The following GPR39 variants were observed in gnomAD, a reference collection of about 807,000 sequenced individuals.
The protein encoded by GPR39 is G protein-coupled receptor 39.
GPR39 carries 23 observed loss-of-function variants against 18.4 expected under a neutral mutation model. The ratio of observed to expected loss-of-function variants is 1.25; its 90% CI spans 0.90 to 1.77. The LOEUF is 1.77. Among genes scored for constraint, GPR39 ranks in the 40% most tolerant of loss-of-function variants. The probability of loss-of-function intolerance (pLI) is 0.00; values close to 1 mark genes in which losing one functional copy is unlikely to be tolerated. For synonymous variants in GPR39, 280 were observed against 257.9 expected, an observed-to-expected ratio of 1.09 and a Z score of -0.82; for missense variants, 647 against 602.4, an observed-to-expected ratio of 1.07 and a Z score of -0.78.
rs532722793 is a variant in GPR39, at chr2:132,641,777, T to C, written c.857-3324T>C. Among the ~76,000 whole-genome samples, 16 of 152,374 alleles carry C rather than the reference T, an allele frequency of 1.1e-4. No homozygotes were observed. The East Asian group carries it at 1.5e-3, about 15-fold the overall frequency. The stretch of plus-strand genomic sequence containing the variant: ...AACTACATATATGGCTCACATTCTG[T>C]ATTTCCAGTGAACAGCACTGTGCTA... On this transcript the variant is annotated intron_variant, in intron 1 of 1. Transcript: ENST00000329321.
chr2:132,576,052 T>C (rs1680523120), intron 1 of GPR39, among the ~76,000 whole-genome samples: 1 of 152,190 alleles, frequency 6.6e-6, no homozygotes, highest in African/African-American at 2.4e-5. Flanking sequence ...TCCAGAACCT[T>C]AAGAAATAAA....
At chr2:132,492,065 T>C (rs1397523922) in intron 1 of GPR39, among the ~76,000 whole-genome samples, 2 of 150,480 alleles carry the variant, frequency 1.3e-5, no homozygotes, top group South Asian at 2.1e-4. Flanking sequence ...TATATATGTA[T>C]ACACCACATA....
chr2:132,430,503 C>A (rs2104758463), intron 1 of GPR39, among the ~76,000 whole-genome samples: 1 of 152,216 alleles, frequency 6.6e-6, no homozygotes, highest in African/African-American at 2.4e-5. Context: ...CTCACTGAGT[C>A]AAAGGGAAGG....
intron 1 of GPR39, among the ~76,000 whole-genome samples, chr2:132,593,726 T>C (rs1359489270): frequency 1.3e-5 from 2 of 152,072 alleles, no homozygotes; most frequent in African/African-American, 4.8e-5. Flanking sequence ...TAAGCAGAGA[T>C]GCAAGTAGAC....
At chr2:132,535,414 C>A (rs901865179) in intron 1 of GPR39, among the ~76,000 whole-genome samples, 2 of 151,658 alleles carry the variant, frequency 1.3e-5, no homozygotes, top group East Asian at 3.9e-4. Context: ...AGGGATGAAG[C>A]TGACTTCATG....
At chr2:132,528,474 A>G (rs1042006014) in intron 1 of GPR39, among the ~76,000 whole-genome samples, 3 of 152,270 alleles carry the variant, frequency 2.0e-5, no homozygotes, top group African/African-American at 7.2e-5. Flanking sequence ...AAGAATGTCA[A>G]TGGTAGTTTG....
rs749253009 is a variant in GPR39 at position 132,645,566 on chromosome 2, A to G, written c.1322A>G (p.Asn441Ser). The change falls in exon 2 of 2, where the codon AAT (asparagine) becomes AGT (serine). Residue 441 changes from asparagine (N) to serine (S), a missense_variant. Asn to Ser is a conservative substitution (Grantham distance 46, BLOSUM62 1). Around this residue, in one of 3 missense-constraint regions of GPR39, gnomAD observed 581 missense variants for 506.8 expected, o/e 1.15. Coordinates refer to ENST00000329321, the MANE Select transcript of GPR39 (RefSeq NM_001508.3). ...CCCAACTCAGGCGCGAAACCAGCCA[A>G]TTCTGCTGCAGAGAATGGTTTTCAG... ...LEPNSGAKPA[N>S]SAAENGFQEH... 8 of 1,614,110 alleles carry G rather than the reference A, an allele frequency of 5.0e-6. No individual in the cohort carries two copies. The South Asian group carries it at 6.6e-5, about 13-fold the overall frequency.
At chr2:132,606,766 T>C (rs955178682) in intron 1 of GPR39, among the ~76,000 whole-genome samples, 9 of 152,164 alleles carry the variant, frequency 5.9e-5, no homozygotes, top group Non-Finnish European at 1.3e-4. Context: ...TGAAGGTGGC[T>C]CTTAGCAAGA....
At chr2:132,563,524 C>T (rs1680291935) in intron 1 of GPR39, among the ~76,000 whole-genome samples, 1 of 152,084 alleles carries the variant, frequency 6.6e-6, no homozygotes, top group African/African-American at 2.4e-5. Flanking sequence ...AACTTCAGAG[C>T]ATGTGAGATG....
intron 1 of GPR39, among the ~76,000 whole-genome samples, chr2:132,562,161 T>C (rs986715414): frequency 2.6e-5 from 4 of 152,172 alleles, no homozygotes; most frequent in Admixed American, 6.5e-5. Context: ...ATCCATTTTT[T>C]TTTTTAAGGC....
At chr2:132,489,085 C>T (rs1415790789) in intron 1 of GPR39, 2 of 212,922 alleles carry the variant, frequency 9.4e-6, no homozygotes, top group Admixed American at 8.4e-5. Flanking sequence ...GGGTCCTCCT[C>T]TCCTTAGATG....
At chr2:132,598,232 G>T (rs567927128) in intron 1 of GPR39, among the ~76,000 whole-genome samples, 6 of 152,294 alleles carry the variant, frequency 3.9e-5, no homozygotes, top group African/African-American at 1.4e-4. Flanking sequence ...GGCACTGGCT[G>T]CTACATACAG....
At chr2:132,609,959 C>T (rs116287086) in intron 1 of GPR39, among the ~76,000 whole-genome samples, 292 of 152,136 alleles carry the variant, frequency 1.9e-3, no homozygotes, top group African/African-American at 6.8e-3. Flanking sequence ...TTCTGCAAAG[C>T]CTTCCCCAAC....
At chr2:132,454,802 G>A (rs756074314) in intron 1 of GPR39, among the ~76,000 whole-genome samples, 29 of 152,100 alleles carry the variant, frequency 1.9e-4, no homozygotes, top group Non-Finnish European at 2.8e-4. Context: ...TGCATGTGTC[G>A]AACCAGCCTT....
At chr2:132,601,507 A>AT (rs1363558733) in intron 1 of GPR39, among the ~76,000 whole-genome samples, 5 of 152,128 alleles carry the variant, frequency 3.3e-5, no homozygotes, top group Non-Finnish European at 7.4e-5. Flanking sequence ...CGCATATATC[A>AT]TACTGAACTG....
At chr2:132,479,298 C>G (rs1423428309) in intron 1 of GPR39, among the ~76,000 whole-genome samples, 1 of 152,152 alleles carries the variant, frequency 6.6e-6, no homozygotes, top group Non-Finnish European at 1.5e-5. Flanking sequence ...AAATGTGACG[C>G]ATATGGTAAG....
At chr2:132,491,494 G>A (rs1008040597) in intron 1 of GPR39, among the ~76,000 whole-genome samples, 2 of 151,994 alleles carry the variant, frequency 1.3e-5, no homozygotes, top group Admixed American at 6.6e-5. Flanking sequence ...CAATTCCTGG[G>A]ATACAATAGA....
chr2:132,620,412 C>G (rs558785770), intron 1 of GPR39, among the ~76,000 whole-genome samples: 2 of 152,276 alleles, frequency 1.3e-5, no homozygotes, highest in South Asian at 4.1e-4. Flanking sequence ...AGGGGGACTT[C>G]AGCTACTCAG....
chr2:132,628,493 G>A (rs1681591598), intron 1 of GPR39, among the ~76,000 whole-genome samples: 1 of 152,164 alleles, frequency 6.6e-6, no homozygotes, highest in Non-Finnish European at 1.5e-5. Flanking sequence ...AGCCTCTCCA[G>A]AAAATAATTG....
Sources: allele counts gnomAD v4.1 joint callset (sites outside exome capture counted in the v4.1 genomes callset), GRCh38; gene constraint gnomAD v4.1.1; regional missense constraint gnomAD v4.1.1; transcripts MANE v1.5; gene names NCBI Gene and HGNC (gene_info 2026-07-23, HGNC 2026-07-21).